SH3GL3: variants seen among roughly 807,000 people sequenced by gnomAD.
SH3GL3 encodes the protein SH3 domain containing GRB2 like 3, endophilin A3, also known as endophilin-A3.
In SH3GL3, 33 loss-of-function variants were observed where a neutral mutation model predicts 47.7. That is an observed-to-expected ratio of 0.69 (90% CI 0.52 to 0.92). The LOEUF (loss-of-function observed/expected upper bound fraction) is 0.92. Among genes scored for constraint, SH3GL3 ranks in the 40% least tolerant of loss-of-function variants. SH3GL3 has a pLI of 0.00. For synonymous variants in SH3GL3, 155 were observed against 148.8 expected (o/e 1.04, Z -0.30); for missense variants, 363 against 417.8 (o/e 0.87, Z 1.14).
intron 8 of SH3GL3, 49 bp from the exon 9 acceptor site, chr15:83,618,033 T>TG (rs757151064): frequency 2.4e-6 from 3 of 1,227,206 alleles, no homozygotes; most frequent in Non-Finnish European, 3.6e-6. Context: ...TTCCCATGGA[T>TG]AATCCATCAT....
At chr15:83,496,564 C>T (rs944553735) in intron 1 of SH3GL3, among the ~76,000 whole-genome samples, 5 of 152,076 alleles carry the variant, frequency 3.3e-5, no homozygotes, top group African/African-American at 4.8e-5. Context: ...CCTTGTCTTT[C>T]GGGCTTAGGT....
downstream of SH3GL3, among the ~76,000 whole-genome samples, chr15:83,620,634 A>G (rs2060913071): frequency 6.6e-6 from 1 of 152,204 alleles, no homozygotes; most frequent in African/African-American, 2.4e-5. Flanking sequence ...AAACAGACAT[A>G]CTGTCATCCA....
chr15:83,491,465 G>C (rs947433240), intron 1 of SH3GL3, among the ~76,000 whole-genome samples: 1 of 152,180 alleles, frequency 6.6e-6, no homozygotes, highest in Non-Finnish European at 1.5e-5. Context: ...GACTTTTCTT[G>C]TGAAGTGGTA....
At chr15:83,627,611 G>C in the SH3GL3 span, among the ~76,000 whole-genome samples, 1 of 151,972 alleles carries the variant, frequency 6.6e-6, no homozygotes, top group Non-Finnish European at 1.5e-5. Flanking sequence ...TTTTTTTATG[G>C]TATGTCTGGT....
At chr15:83,529,880 G>A (rs1819362918) in intron 1 of SH3GL3, among the ~76,000 whole-genome samples, 1 of 152,148 alleles carries the variant, frequency 6.6e-6, no homozygotes, top group Non-Finnish European at 1.5e-5. Context: ...TAGTGGCCAC[G>A]CAGGCAAACA....
At chr15:83,468,217 G>T (rs1423791721) in intron 1 of SH3GL3, among the ~76,000 whole-genome samples, 3 of 152,212 alleles carry the variant, frequency 2.0e-5, no homozygotes, top group Non-Finnish European at 4.4e-5. Flanking sequence ...CTTGTATCCT[G>T]TGACCTTGCA....
At chr15:83,558,503 A>ATG (rs1455550914) in intron 1 of SH3GL3, among the ~76,000 whole-genome samples, 1 of 6,252 alleles carries the variant, frequency 1.6e-4, no homozygotes, top group Non-Finnish European at 4.8e-4. Context: ...GTGTGTGTGT[A>ATG]TATGTGTGTG....
At chr15:83,509,270 AG>A (rs1468262260) in intron 1 of SH3GL3, among the ~76,000 whole-genome samples, 1 of 152,178 alleles carries the variant, frequency 6.6e-6, no homozygotes, top group African/African-American at 2.4e-5. Flanking sequence ...CATCTCACGG[AG>A]TGAGGGCAGA....
At chr15:83,534,726 CA>C (rs773604535) in intron 1 of SH3GL3, among the ~76,000 whole-genome samples, 31 of 152,140 alleles carry the variant, frequency 2.0e-4, no homozygotes, top group Non-Finnish European at 3.8e-4. Flanking sequence ...TGCCAGAAAG[CA>C]GCAGAAATTG....
intron 1 of SH3GL3, among the ~76,000 whole-genome samples, chr15:83,526,096 G>T (rs1186407743): frequency 6.6e-6 from 1 of 152,112 alleles, no homozygotes; most frequent in African/African-American, 2.4e-5. Flanking sequence ...CACTGAATAT[G>T]TAGATTGCTT....
intron 1 of SH3GL3, among the ~76,000 whole-genome samples, chr15:83,463,772 T>C (rs1040299860): frequency 2.0e-5 from 3 of 146,898 alleles, no homozygotes; most frequent in Non-Finnish European, 4.5e-5. Context: ...TCTTTCTTTT[T>C]TTTTTTTTTT....
intron 2 of SH3GL3, among the ~76,000 whole-genome samples, chr15:83,562,577 G>A (rs990304536): frequency 6.6e-6 from 1 of 151,938 alleles, no homozygotes; most frequent in African/African-American, 2.4e-5. Flanking sequence ...TCCAAATTTA[G>A]TAATTTTGCT....
At chr15:83,500,523 C>T (rs1430733222) in intron 1 of SH3GL3, among the ~76,000 whole-genome samples, 6 of 152,288 alleles carry the variant, frequency 3.9e-5, no homozygotes, top group African/African-American at 1.4e-4. Context: ...CACTATTGGT[C>T]TTGGGTGAGA....
At chr15:83,580,811 C>T (rs1165668581) in intron 6 of SH3GL3, among the ~76,000 whole-genome samples, 2 of 152,138 alleles carry the variant, frequency 1.3e-5, no homozygotes, top group African/African-American at 4.8e-5. Context: ...TGGCCCCAAC[C>T]CTGCAGAGCC....
chr15:83,511,107 G>A (rs919338566), intron 1 of SH3GL3, among the ~76,000 whole-genome samples: 11 of 151,968 alleles, frequency 7.2e-5, no homozygotes, highest in Non-Finnish European at 1.5e-4. Context: ...AAAGCTGCAC[G>A]TTGTGCACAT....
chr15:83,459,167 A>G (rs942432076), intron 1 of SH3GL3, among the ~76,000 whole-genome samples: 1 of 152,220 alleles, frequency 6.6e-6, no homozygotes, highest in Non-Finnish European at 1.5e-5. Flanking sequence ...AGACTCGGCC[A>G]GTCTAGTCTT....
intron 1 of SH3GL3, among the ~76,000 whole-genome samples, chr15:83,532,629 A>C (rs1225657231): frequency 6.6e-6 from 1 of 152,206 alleles, no homozygotes; most frequent in African/African-American, 2.4e-5. Flanking sequence ...GTTAGGAATG[A>C]GTTTGGCTGC....
chr15:83,538,157 T>C (rs1478659571), intron 1 of SH3GL3, among the ~76,000 whole-genome samples: 1 of 152,148 alleles, frequency 6.6e-6, no homozygotes, highest in Non-Finnish European at 1.5e-5. Flanking sequence ...AGACTCTGTA[T>C]GGCTTTGTTG....
intron 1 of SH3GL3, among the ~76,000 whole-genome samples, chr15:83,530,401 G>T (rs2043616146): frequency 6.6e-6 from 1 of 152,160 alleles, no homozygotes; most frequent in Non-Finnish European, 1.5e-5. Context: ...GCTTCTAGCT[G>T]ATGCCAGCTG....
Sources: allele counts gnomAD v4.1 joint callset (sites outside exome capture counted in the v4.1 genomes callset), GRCh38; gene constraint gnomAD v4.1.1; transcripts MANE v1.5; gene names NCBI Gene and HGNC (gene_info 2026-07-23, HGNC 2026-07-21).